The following NCOA1 variants were observed in gnomAD, a reference collection of about 807,000 sequenced individuals.
NCOA1 encodes the protein Hin-2 protein.
Under a neutral mutation model 150.9 loss-of-function variants are expected in NCOA1, and 35 were observed. The ratio of observed to expected loss-of-function variants is 0.23; its 90% CI spans 0.18 to 0.31. The LOEUF is 0.31. Among genes scored for constraint, NCOA1 ranks in the 10% least tolerant of loss-of-function variants. The pLI, the probability that NCOA1 is intolerant of heterozygous loss-of-function variation, is 1.00. For missense variants in NCOA1, 1,491 were observed against 1,749.3 expected (o/e 0.85, Z 2.63); for synonymous variants, 590 against 630.0 (o/e 0.94, Z 0.95).
chr2:24,607,894 C>T (rs1166634817), intron 3 of NCOA1, among the ~76,000 whole-genome samples: 1 of 152,030 alleles, frequency 6.6e-6, no homozygotes, highest in Non-Finnish European at 1.5e-5. Flanking sequence ...TGGTTGAATT[C>T]GTTTTTCTTT....
chr2:24,657,335 A>C (rs900506792), intron 4 of NCOA1, among the ~76,000 whole-genome samples: 1 of 152,222 alleles, frequency 6.6e-6, no homozygotes, highest in East Asian at 1.9e-4. Flanking sequence ...GTTCCAAATG[A>C]GGATTATAAC....
At chr2:24,755,248 C>A (rs1261097640) in intron 20 of NCOA1, among the ~76,000 whole-genome samples, 1 of 152,332 alleles carries the variant, frequency 6.6e-6, no homozygotes, top group South Asian at 2.1e-4. Context: ...TAACATGATT[C>A]TTTTTCATTA....
intron 1 of NCOA1, among the ~76,000 whole-genome samples, chr2:24,541,737 C>T (rs1235115027): frequency 1.3e-5 from 2 of 152,192 alleles, no homozygotes; most frequent in Non-Finnish European, 2.9e-5. Context: ...GCTTCAGATT[C>T]TGGAAGAACA....
chr2:24,534,411 AT>A (rs200366201), intron 1 of NCOA1, among the ~76,000 whole-genome samples: 4,356 of 145,434 alleles, frequency 0.03, 145 homozygotes, highest in African/African-American at 0.08. Context: ...GGATTCATTG[AT>A]TTTTTTTTTT....
rs565107290 is a variant in NCOA1 at position 24,532,107 on chromosome 2, C to T, written c.-395-32188C>T. Among the ~76,000 whole-genome samples the T allele has an allele frequency of 3.9e-5, 6 of 152,310 alleles. No homozygotes were observed. The South Asian group carries it at 1.2e-3, about 32-fold the overall frequency. On this transcript the variant is annotated intron_variant, in intron 1 of 22. Coordinates refer to ENST00000348332, the MANE Select transcript of NCOA1 (RefSeq NM_003743.5). ...ATGTGTTCCTATTTCTCCACATCCTCTCCAGCATCTGTTGTTTCCTGACTT... is the reference window on the plus strand; with the variant it reads ...ATGTGTTCCTATTTCTCCACATCCTTTCCAGCATCTGTTGTTTCCTGACTT...
chr2:24,597,437 T>C (rs1232282681), intron 3 of NCOA1, among the ~76,000 whole-genome samples: 1 of 152,162 alleles, frequency 6.6e-6, no homozygotes, highest in Non-Finnish European at 1.5e-5. Flanking sequence ...TGGAGAATAC[T>C]GTATTGGCCA....
At chr2:24,498,937 AC>A (rs968982717) in intron 1 of NCOA1, among the ~76,000 whole-genome samples, 1 of 151,668 alleles carries the variant, frequency 6.6e-6, no homozygotes, top group Admixed American at 6.6e-5. Context: ...ATATTTAAAC[AC>A]AGATTATATG....
chr2:24,756,066 T>A (rs1664480291), intron 20 of NCOA1, among the ~76,000 whole-genome samples: 2 of 98,330 alleles, frequency 2.0e-5, no homozygotes, highest in Non-Finnish European at 2.1e-5. Context: ...AAACCCCATC[T>A]CTACTAAAAA....
intron 9 of NCOA1, among the ~76,000 whole-genome samples, chr2:24,692,751 C>G (rs1672722766): frequency 6.6e-6 from 1 of 152,246 alleles, no homozygotes; most frequent in Non-Finnish European, 1.5e-5. Context: ...CCAACTAACT[C>G]TCTACCTGGA....
chr2:24,700,476 A>G (rs1190150301), intron 11 of NCOA1, among the ~76,000 whole-genome samples: 7 of 152,152 alleles, frequency 4.6e-5, no homozygotes, highest in Admixed American at 4.6e-4. Flanking sequence ...TTAGTTTTTT[A>G]GCTGCTTTTG....
Position 24,691,451 on chromosome 2 carries a change from G to A in NCOA1, c.533-30G>A, listed in dbSNP as rs200837215. Reference sequence around the variant, plus strand: ...GAGTTTGTGCTTTTTCACCATATTCGCAAGCACATAATCAATTTTTCTTCC... The same window carrying A: ...GAGTTTGTGCTTTTTCACCATATTCACAAGCACATAATCAATTTTTCTTCC... On this transcript the variant is annotated intron_variant, in intron 8 of 22. Coordinates refer to ENST00000348332, the MANE Select transcript of NCOA1 (RefSeq NM_003743.5). 9.7e-5 allele frequency: 156 copies of A among 1,600,092 alleles called. No homozygotes were observed. In the East Asian group the frequency reaches 1.3e-3, roughly 13 times the overall value.
intron 1 of NCOA1, among the ~76,000 whole-genome samples, chr2:24,549,217 G>C (rs1005307953): frequency 1.1e-4 from 16 of 152,164 alleles, no homozygotes; most frequent in African/African-American, 3.6e-4. Context: ...CTAAGGCTTG[G>C]GGCTTGCACC....
intron 3 of NCOA1, among the ~76,000 whole-genome samples, chr2:24,585,280 A>T (rs1286437514): frequency 6.6e-6 from 1 of 152,196 alleles, no homozygotes; most frequent in Non-Finnish European, 1.5e-5. Context: ...GTAGCATTAT[A>T]TATGAATTTT....
Position 24,711,190 on chromosome 2 carries a change from A to G in NCOA1, c.2599+79A>G. 6.6e-6 allele frequency: 9 copies of G among 1,363,098 alleles called. 1 individual carries two copies. Among genetic ancestry groups the G allele is most frequent in the South Asian group, 3.1e-5 (2 of 63,766 alleles). The allele number at this position is 1,363,098 out of a possible 1,614,324, so 84.4% of individuals were successfully genotyped here. A position where few individuals can be genotyped will look rare whatever the true frequency, so the allele number is the denominator to read the frequency against. On this transcript the variant is annotated intron_variant, in intron 14 of 22. Transcript: ENST00000348332. ...GCATTTTGTCTCTCACCAGTATTAC[A>G]CAGATCCTTTGCTTAAGAGTGAAAT... is the stretch of plus-strand genomic sequence containing the variant.
intron 1 of NCOA1, among the ~76,000 whole-genome samples, chr2:24,528,609 A>C (rs911232011): frequency 6.6e-6 from 1 of 151,902 alleles, no homozygotes; most frequent in Non-Finnish European, 1.5e-5. Context: ...TAGCCTCCCA[A>C]AGTGCTGGGA....
intron 7 of NCOA1, among the ~76,000 whole-genome samples, chr2:24,679,032 G>A (rs1049228595): frequency 2.6e-5 from 4 of 152,058 alleles, no homozygotes; most frequent in Admixed American, 1.3e-4. Flanking sequence ...TTTTATTCCC[G>A]GAACTTTGTC....
rs934201780 is a variant in NCOA1 at position 24,729,439 on chromosome 2, G to A, written c.2887-62G>A. On this transcript the variant is annotated intron_variant, in intron 16 of 22. Coordinates refer to ENST00000348332, the MANE Select transcript of NCOA1 (RefSeq NM_003743.5). Reference sequence around the variant, plus strand: ...ATATGATGGTGCTTTCTAGAAATACGGAAGCATGTTACTTATTGGCAGAAA... The same window carrying A: ...ATATGATGGTGCTTTCTAGAAATACAGAAGCATGTTACTTATTGGCAGAAA... 76 of 1,440,672 alleles carry A rather than the reference G, an allele frequency of 5.3e-5. 1 individual carries two copies. Among genetic ancestry groups the A allele is most frequent in the East Asian group, 4.1e-4 (18 of 43,782 alleles). 89.2% of individuals were successfully genotyped at this position (1,440,672 alleles called of 1,614,324 possible).
At chr2:24,608,245 CCTATTATTATTA>C (rs1668457669) in intron 3 of NCOA1, among the ~76,000 whole-genome samples, 1 of 127,550 alleles carries the variant, frequency 7.8e-6, no homozygotes, top group Non-Finnish European at 1.6e-5. Flanking sequence ...ACCCAGTTCC[CCTATTATTATTA>C]TTATTATTAT....
chr2:24,499,989 G>A (rs1663386312), intron 1 of NCOA1, among the ~76,000 whole-genome samples: 1 of 152,206 alleles, frequency 6.6e-6, no homozygotes, highest in African/African-American at 2.4e-5. Context: ...AACCTTGATA[G>A]CATACAACAG....
Sources: gnomAD v4.1 joint callset for allele counts (sites outside exome capture counted in the v4.1 genomes callset) on GRCh38, gnomAD v4.1.1 for gene constraint, MANE v1.5 for transcripts, NCBI Gene and HGNC (gene_info 2026-07-23, HGNC 2026-07-21) for gene names.